The following DIDO1 variants were observed in gnomAD, a reference collection of about 807,000 sequenced individuals.
DIDO1 encodes the protein death inducer-obliterator 1.
DIDO1 carries 16 observed loss-of-function variants against 99.4 expected under a neutral mutation model. The ratio of observed to expected loss-of-function variants is 0.16; its 90% CI spans 0.11 to 0.24. The LOEUF (loss-of-function observed/expected upper bound fraction) is 0.24. Ranked by LOEUF, DIDO1 falls within the 10% of genes least tolerant of loss-of-function variation. DIDO1 has a pLI of 1.00. For missense variants in DIDO1, 2,996 were observed against 3,014.0 expected, an observed-to-expected ratio of 0.99 and a Z score of 0.14; for synonymous variants, 1,366 against 1,239.1, an observed-to-expected ratio of 1.10 and a Z score of -2.15.
intron 6 of DIDO1, among the ~76,000 whole-genome samples, chr20:62,904,207 T>C (rs906437917): frequency 5.1e-4 from 54 of 104,868 alleles, no homozygotes; most frequent in African/African-American, 2.8e-3. Flanking sequence ...TAGTACAGCA[T>C]TAAAAATCCC....
chr20:62,911,650 A>G lies in DIDO1; in HGVS notation c.-2-36T>C. The G allele has an allele frequency of 6.7e-7, 1 of 1,498,810 alleles. No individual in the cohort carries two copies. The highest frequency in any genetic ancestry group is 2.3e-5 in the East Asian group (1 of 43,374). 92.8% of individuals were successfully genotyped at this position (1,498,810 alleles called of 1,614,324 possible). On this transcript the variant is annotated intron_variant, in intron 2 of 15. Coordinates refer to ENST00000395343, the MANE Select transcript of DIDO1 (RefSeq NM_001193369.2). The surrounding 1 kb of genome is among the most constrained non-coding windows in gnomAD (Gnocchi z 7.0). ...AGTGTAAGCACATAGTGACCAACTG[A>G]CCACAGAACAAAAGGTGACATTGCC...
chr20:62,918,555 T>C (rs897389503), intron 1 of DIDO1, among the ~76,000 whole-genome samples: 1 of 152,150 alleles, frequency 6.6e-6, no homozygotes, highest in Non-Finnish European at 1.5e-5. Context: ...ACATCGCACC[T>C]CCAGGAAAAG....
Position 62,896,373 on chromosome 20 carries a change from A to G in DIDO1, c.2074T>C (p.Leu692=). 6.2e-7 allele frequency: 1 copy of G among 1,614,130 alleles called. No homozygotes were observed. Among genetic ancestry groups the G allele is most frequent in the Non-Finnish European group, 8.5e-7 (1 of 1,180,028 alleles). ...LWKRVNDSDD[L]IMTENEVGKI... ...CCTACTTCGTTTTCTGTCATGATTAAGTCATCGCTGTCATTGACTCTGAAC... is the reference window on the plus strand; with the variant it reads ...CCTACTTCGTTTTCTGTCATGATTAGGTCATCGCTGTCATTGACTCTGAAC... Residue 692 remains leucine, a synonymous_variant, in exon 8 of 16, where the codon TTA becomes CTA. Transcript: ENST00000395343. This position sits in a 1 kb window ranked among gnomAD's most constrained non-coding sequence, Gnocchi z 4.4.
At chr20:62,903,845 T>C (rs1051684186) in intron 6 of DIDO1, among the ~76,000 whole-genome samples, 3 of 152,148 alleles carry the variant, frequency 2.0e-5, no homozygotes, top group African/African-American at 7.2e-5. Context: ...GAGGAGCTGA[T>C]GTGTGGCAAA....
chr20:62,890,315 C>T (rs2064371814), intron 15 of DIDO1: 3 of 986,148 alleles, frequency 3.0e-6, no homozygotes, highest in Non-Finnish European at 3.6e-6. Context: ...AAGAGCTGGT[C>T]ACTAACAGAG....
chr20:62,898,886 T>G (rs1377277841), intron 6 of DIDO1, among the ~76,000 whole-genome samples: 2 of 152,262 alleles, frequency 1.3e-5, no homozygotes, highest in Non-Finnish European at 2.9e-5. Flanking sequence ...GTCACTACCT[T>G]AGTGTTTGAA....
Position 62,880,111 on chromosome 20 carries a change from T to C in DIDO1, c.5845A>G (p.Arg1949Gly), listed in dbSNP as rs747085230. ...GGCATAAAGTTAGGCGCTTGGCCTC[T>C]GGGTCCTTCAAACTGGTTGGGATGA... Reference protein sequence around the residue: ...GPHPNQFEGPRGQAPNFMPGP... With the variant: ...GPHPNQFEGPGGQAPNFMPGP... The change falls in exon 16 of 16, where the codon AGA (arginine) becomes GGA (glycine). Residue 1949 changes from arginine to glycine, a missense_variant. By Grantham distance (125) the Arg-to-Gly change is moderately radical. Coordinates refer to ENST00000395343, the MANE Select transcript of DIDO1 (RefSeq NM_001193369.2). 1.2e-6 allele frequency: 2 copies of C among 1,612,596 alleles called. No individual in the cohort carries two copies. The highest frequency in any genetic ancestry group is 2.2e-5 in the South Asian group (2 of 91,082).
chr20:62,924,087 T>G (rs191176198), intron 1 of DIDO1, among the ~76,000 whole-genome samples: 224 of 152,380 alleles, frequency 1.5e-3, no homozygotes, highest in African/African-American at 5.0e-3. Flanking sequence ...GACCTCCTCT[T>G]TCCCAATTAG....
At chr20:62,919,371 C>G (rs2065094780) in intron 1 of DIDO1, among the ~76,000 whole-genome samples, 1 of 152,072 alleles carries the variant, frequency 6.6e-6, no homozygotes, top group Admixed American at 6.6e-5. Context: ...AAATCCCCAT[C>G]TCTACTAAAA....
Position 62,882,537 on chromosome 20 carries a change from C to T in DIDO1, c.3542-123G>A. 10 of 966,352 alleles carry T rather than the reference C, an allele frequency of 1.0e-5. No homozygotes were observed. In the Admixed American group the frequency reaches 2.8e-4, roughly 27 times the overall value. The allele number at this position is 966,352 out of a possible 1,614,324, so 59.9% of individuals were successfully genotyped here. On this transcript the variant is annotated intron_variant, in intron 15 of 15. Coordinates refer to ENST00000395343, the MANE Select transcript of DIDO1 (RefSeq NM_001193369.2). ...TAGACAAAAATAAGCCATTCTGTGG[C>T]AAAATAAGATCAAGTGTCAAGACAG...
chr20:62,905,524 A>G, intron 6 of DIDO1: 13 of 1,550,794 alleles, frequency 8.4e-6, no homozygotes, highest in Non-Finnish European at 1.1e-5. Flanking sequence ...ATGTGCAGAC[A>G]GGGGTGGATG....
rs2064158196 is a variant in DIDO1 at position 62,879,461 on chromosome 20, C to T, written c.6495G>A (p.Arg2165=). 4 of 1,562,922 alleles carry T rather than the reference C, an allele frequency of 2.6e-6. No homozygotes were observed. The highest frequency in any genetic ancestry group is 3.4e-6 in the Non-Finnish European group (4 of 1,160,794). Reference sequence around the variant, plus strand: ...CCCGGCTGCGGTCCCACTCCTTGCCCCGGTCGGCCTCGCGCTCTCGGTCGC... The same window carrying T: ...CCCGGCTGCGGTCCCACTCCTTGCCTCGGTCGGCCTCGCGCTCTCGGTCGC... ...ANRDREREAD[R]GKEWDRSRER... The change falls in exon 16 of 16, where the codon CGG becomes CGA. Residue 2165 remains arginine, a synonymous_variant. Coordinates refer to ENST00000395343, the MANE Select transcript of DIDO1 (RefSeq NM_001193369.2). The surrounding 1 kb of genome is among the most constrained non-coding windows in gnomAD (Gnocchi z 6.3).
intron 15 of DIDO1, chr20:62,888,845 A>C (rs1460551270): frequency 1.0e-6 from 1 of 985,366 alleles, no homozygotes; most frequent in African/African-American, 1.7e-5. Context: ...TTTCACGCAC[A>C]CGCATTCATG....
chr20:62,896,105 TCA>T lies in DIDO1; in HGVS notation c.2214+126_2214+127del, dbSNP rs1448886483. On this transcript the variant is annotated intron_variant, in intron 8 of 15. Transcript: ENST00000395343. The surrounding 1 kb of genome is among the most constrained non-coding windows in gnomAD (Gnocchi z 4.4). Reference sequence around the variant, plus strand: ...CAACAATACGTGGGCGGCAGAAGGATCACAGAGGAGAAAGAAACGTCTTAGCT... The same window carrying T: ...CAACAATACGTGGGCGGCAGAAGGATCAGAGGAGAAAGAAACGTCTTAGCT... 29 of 1,043,824 alleles carry T rather than the reference TCA, an allele frequency of 2.8e-5. No individual in the cohort carries two copies. Among genetic ancestry groups the T allele is most frequent in the African/African-American group, 6.4e-5 (4 of 62,148 alleles). The allele number at this position is 1,043,824 out of a possible 1,614,324, so 64.7% of individuals were successfully genotyped here. A position where few individuals can be genotyped will look rare whatever the true frequency, so the allele number is the denominator to read the frequency against.
At chr20:62,935,648 A>C (rs934528031) in intron 1 of DIDO1, among the ~76,000 whole-genome samples, 4 of 152,212 alleles carry the variant, frequency 2.6e-5, no homozygotes, top group African/African-American at 7.2e-5. Context: ...GAAAACCTCC[A>C]ATCAGCTGGG....
At chr20:62,930,821 G>T (rs149204069), upstream of DIDO1, among the ~76,000 whole-genome samples, 1 of 152,346 alleles carries the variant, frequency 6.6e-6, no homozygotes, top group East Asian at 1.9e-4. Context: ...CAGCTGCAAT[G>T]AACTGACAAC....
At chr20:62,904,004 T>C (rs2064744476) in intron 6 of DIDO1, among the ~76,000 whole-genome samples, 1 of 152,192 alleles carries the variant, frequency 6.6e-6, no homozygotes, top group African/African-American at 2.4e-5. Context: ...TTCCCACCAA[T>C]GCTCCCTCCC....
At chr20:62,900,457 GGGA>G (rs1328138537) in intron 6 of DIDO1, among the ~76,000 whole-genome samples, 2 of 152,208 alleles carry the variant, frequency 1.3e-5, no homozygotes, top group Non-Finnish European at 2.9e-5. Context: ...AGCAGAGACG[GGGA>G]GGAGAAAATC....
At chr20:62,884,455 C>A (rs540370464) in intron 15 of DIDO1, among the ~76,000 whole-genome samples, 1 of 152,198 alleles carries the variant, frequency 6.6e-6, no homozygotes, top group Non-Finnish European at 1.5e-5. Context: ...GATAATTTAA[C>A]GTGACTGTGG....
Sources: gnomAD v4.1 joint callset for allele counts (sites outside exome capture counted in the v4.1 genomes callset) on GRCh38, gnomAD v4.1.1 for gene constraint, Gnocchi (gnomAD v3.1) non-coding constraint, MANE v1.5 for transcripts, NCBI Gene and HGNC (gene_info 2026-07-23, HGNC 2026-07-21) for gene names.